Variants in SLC17A9 observed in about 807,000 individuals in gnomAD.
SLC17A9 encodes the protein voltage-gated purine nucleotide uniporter SLC17A9.
A neutral mutation model predicts 55.0 loss-of-function variants in SLC17A9; 49 were observed. That is an observed-to-expected ratio of 0.89 (90% confidence interval 0.71 to 1.13). SLC17A9 has a LOEUF of 1.13. SLC17A9 is among the 50% of genes most tolerant of loss of function. The probability of loss-of-function intolerance (pLI) is 0.00; values close to 1 mark genes in which losing one functional copy is unlikely to be tolerated. For missense variants in SLC17A9, 526 were observed against 569.3 expected, an observed-to-expected ratio of 0.92 and a Z score of 0.77; for synonymous variants, 256 against 247.4, an observed-to-expected ratio of 1.03 and a Z score of -0.32.
chr20:62,965,401 A>G (rs1568917708), intron 9 of SLC17A9, among the ~76,000 whole-genome samples: 1 of 152,230 alleles, frequency 6.6e-6, no homozygotes, highest in East Asian at 1.9e-4. Flanking sequence ...CCCACGTCGA[A>G]TAGGGCCTCT....
intron 10 of SLC17A9, 85 bp downstream of exon 10, chr20:62,965,810 CCTCT>C: frequency 1.6e-6 from 2 of 1,285,960 alleles, no homozygotes; most frequent in Non-Finnish European, 2.2e-6. Context: ...GCTCTGTCCG[CCTCT>C]CTCAGTCTCT....
In SLC17A9 at chr20:62,957,449, G is replaced by A. The variant is rs74709668; in HGVS notation, c.266G>A (p.Gly89Asp). 3.1e-6 allele frequency: 5 copies of A among 1,587,666 alleles called. No individual in the cohort carries two copies. Among genetic ancestry groups the A allele is most frequent in the South Asian group, 2.3e-5 (2 of 86,342 alleles). Residue 89 changes from glycine (G) to aspartate (D), a missense_variant, in exon 3 of 13, where the codon GGT becomes GAT. Physicochemically the swap from Gly to Asp is moderately conservative, Grantham distance 94 (BLOSUM62 -1). Coordinates refer to ENST00000370351, the MANE Select transcript of SLC17A9 (RefSeq NM_022082.4). The part of the protein sequence containing the change: ...VGGHLGDRIG[G>D]EKVILLSASA... ...CTCTGTCTTCCCTCCAGGATTGGGG[G>A]TGAGAAGGTCATCCTGCTGTCAGCC...
chr20:62,965,764 GC>G, intron 10 of SLC17A9, 39 bp downstream of exon 10: 1 of 1,593,670 alleles, frequency 6.3e-7, no homozygotes, highest in Admixed American at 1.7e-5. Context: ...GCGCCGTGCT[GC>G]CCGCACGGCC....
intron 8 of SLC17A9, among the ~76,000 whole-genome samples, chr20:62,964,679 C>T (rs1202810460): frequency 6.6e-6 from 1 of 152,254 alleles, no homozygotes; most frequent in Non-Finnish European, 1.5e-5. Context: ...CGTGTTTCTT[C>T]CCCTAGTGCA....
chr20:62,963,008 G>A (rs954903297), intron 5 of SLC17A9: 13 of 643,052 alleles, frequency 2.0e-5, no homozygotes, highest in African/African-American at 2.0e-4. Flanking sequence ...TCAAGGCAGG[G>A]TGCAGGAGCA....
In SLC17A9 at chr20:62,952,874, A is replaced by G; in HGVS notation, c.44A>G (p.Asp15Gly). ...GAGGCCCGCAGGGACATGGCCGGGG[A>G]CACCCAGTGGTCCAGGTGTGGCGGG... The part of the protein sequence containing the change: ...PDEARRDMAG[D>G]TQWSRPECQA... The change falls in exon 1 of 13, where the codon GAC (aspartate) becomes GGC (glycine). Residue 15 changes from aspartate (D) to glycine (G), a missense_variant. Transcript: ENST00000370351. 1.7e-6 allele frequency: 2 copies of G among 1,180,094 alleles called. No homozygotes were observed. The highest frequency in any genetic ancestry group is 1.3e-5 in the South Asian group (1 of 75,734). 73.1% of individuals were successfully genotyped at this position (1,180,094 alleles called of 1,614,324 possible). A position where few individuals can be genotyped will look rare whatever the true frequency, so the allele number is the denominator to read the frequency against.
intron 12 of SLC17A9, chr20:62,967,105 T>C: frequency 1.7e-6 from 1 of 595,008 alleles, no homozygotes; most frequent in Non-Finnish European, 2.9e-6. Flanking sequence ...CAAAGGGGAC[T>C]TGTTACCAGG....
rs753207073 is a variant in SLC17A9 at position 62,952,807 on chromosome 20, C to A, written c.-24C>A. On this transcript the variant is annotated 5_prime_UTR_variant, in exon 1 of 13. Coordinates refer to ENST00000370351, the MANE Select transcript of SLC17A9 (RefSeq NM_022082.4). ...CAGCCCCGGGACACAGCTGTGCCCA[C>A]GCCGTCTGAGCACCCCAAGCCCGAT... 3 of 1,533,936 alleles carry A rather than the reference C, an allele frequency of 2.0e-6. No homozygotes were observed. In the African/African-American group the frequency reaches 4.1e-5, roughly 21 times the overall value.
chr20:62,966,520 C>T lies in SLC17A9; in HGVS notation c.1062-5C>T, dbSNP rs2065640684. The T allele has an allele frequency of 6.2e-7, 1 of 1,613,846 alleles. No homozygotes were observed. Among genetic ancestry groups the T allele is most frequent in the African/African-American group, 1.3e-5 (1 of 74,928 alleles). On this transcript the variant is annotated splice_region_variant and splice_polypyrimidine_tract_variant and intron_variant, in intron 10 of 12. Transcript: ENST00000370351. ...GCCACTCACCACCCTCTTTCCTCCC[C>T]ACAGTGGCATTTCTGTTAACATCCA...
intron 9 of SLC17A9, 63 bp from the exon 10 acceptor site, chr20:62,965,547 C>G: frequency 6.7e-7 from 1 of 1,495,338 alleles, no homozygotes; most frequent in Non-Finnish European, 9.2e-7. Context: ...GCAGCTGAGT[C>G]AGGAGAGGGC....
At position 62,963,300 on chromosome 20, in the gene SLC17A9, C is replaced by T; in HGVS notation, c.656C>T (p.Ala219Val). 4 of 1,613,826 alleles carry T rather than the reference C, an allele frequency of 2.5e-6. No individual in the cohort carries two copies. The highest frequency in any genetic ancestry group is 1.6e-4 in the Middle Eastern group (1 of 6,062). ...KDLILALGVLAQSRPVSRHNR... is the reference protein window; with the variant it reads ...KDLILALGVLVQSRPVSRHNR... ...CTCATCCTGGCCTTGGGTGTCCTGGCCCAAAGCCGGCCGGTGTCCAGGCAC... is the reference window on the plus strand; with the variant it reads ...CTCATCCTGGCCTTGGGTGTCCTGGTCCAAAGCCGGCCGGTGTCCAGGCAC... The change falls in exon 6 of 13, where the codon GCC (alanine) becomes GTC (valine). Residue 219 changes from alanine to valine, a missense_variant. Coordinates refer to ENST00000370351, the MANE Select transcript of SLC17A9 (RefSeq NM_022082.4).
Position 62,962,937 on chromosome 20 carries a change from C to A in SLC17A9, c.628+183C>A. The A allele has an allele frequency of 1.2e-6, 1 of 854,110 alleles. No homozygotes were observed. Among genetic ancestry groups the A allele is most frequent in the Non-Finnish European group, 1.8e-6 (1 of 567,484 alleles). The allele number at this position is 854,110 out of a possible 1,614,324, so 52.9% of individuals were successfully genotyped here. A position where few individuals can be genotyped will look rare whatever the true frequency, so the allele number is the denominator to read the frequency against. ...CTGTCAGCGGCTCCGCCACCCAATT[C>A]GATCTGGAAGGTTCCATCTAGGGCT... On this transcript the variant is annotated intron_variant, in intron 5 of 12. Transcript: ENST00000370351. This position sits in a 1 kb window ranked among gnomAD's most constrained non-coding sequence, Gnocchi z 5.5.
intron 7 of SLC17A9, chr20:62,963,901 C>T: frequency 1.7e-6 from 1 of 598,564 alleles, no homozygotes; most frequent in South Asian, 2.0e-5. Context: ...GCGCTCGGTG[C>T]CTTCCTGCTG....
Position 62,966,542 on chromosome 20 carries a change from T to C in SLC17A9, c.1079T>C (p.Ile360Thr). The C allele has an allele frequency of 6.2e-7, 1 of 1,614,022 alleles. No individual in the cohort carries two copies. The highest frequency in any genetic ancestry group is 1.1e-5 in the South Asian group (1 of 91,072). Residue 360 changes from isoleucine (I) to threonine (T), a missense_variant, in exon 11 of 13, where the codon ATC becomes ACC. Physicochemically the swap from Ile to Thr is moderately conservative, Grantham distance 89. Transcript: ENST00000370351. ...CCCCACAGTGGCATTTCTGTTAACA[T>C]CCAGGACTTGGCCCCGTCCTGCGCC... The part of the protein sequence containing the change: ...TFNHSGISVN[I>T]QDLAPSCAGF...
chr20:62,956,157 C>T (rs998458683), intron 1 of SLC17A9, among the ~76,000 whole-genome samples: 26 of 152,112 alleles, frequency 1.7e-4, no homozygotes, highest in African/African-American at 5.1e-4. Context: ...GTGAGCTGGC[C>T]GGCCTGGCTC....
At position 62,958,657 on chromosome 20, in the gene SLC17A9, G is replaced by A. The variant is rs1298634297; in HGVS notation, c.397+1077G>A. ...GCATCAGGTTCAGAGCGCTGGCCAT[G>A]GCTCCCCTAGAACCTCTGCCCTCCC... On this transcript the variant is annotated intron_variant, in intron 3 of 12. Coordinates refer to ENST00000370351, the MANE Select transcript of SLC17A9 (RefSeq NM_022082.4). This position sits in a 1 kb window ranked among gnomAD's most constrained non-coding sequence, Gnocchi z 4.1. Among the ~76,000 whole-genome samples, 1 of 152,136 alleles carries A rather than the reference G, an allele frequency of 6.6e-6. No homozygotes were observed. Among genetic ancestry groups the A allele is most frequent in the Non-Finnish European group, 1.5e-5 (1 of 67,996 alleles).
intron 2 of SLC17A9, 185 bp downstream of exon 2, chr20:62,957,147 G>T: frequency 1.0e-6 from 1 of 981,626 alleles, no homozygotes; most frequent in South Asian, 4.7e-5. Flanking sequence ...CGACTCCTGG[G>T]GAAGGAGCTT....
At chr20:62,961,377 C>A (rs1202010610) in intron 4 of SLC17A9, among the ~76,000 whole-genome samples, 3 of 151,968 alleles carry the variant, frequency 2.0e-5, no homozygotes, top group Non-Finnish European at 4.4e-5. Context: ...GGCTGGAGGG[C>A]GGCTTGTCCT....
rs1568912702 is a variant in SLC17A9 at position 62,958,077 on chromosome 20, A to G, written c.397+497A>G. 1.3e-5 allele frequency among the ~76,000 whole-genome samples: 2 copies of G among 151,314 alleles called. No homozygotes were observed. The highest frequency in any genetic ancestry group is 2.9e-5 in the Non-Finnish European group (2 of 67,800). On this transcript the variant is annotated intron_variant, in intron 3 of 12. Transcript: ENST00000370351. The surrounding 1 kb of genome is among the most constrained non-coding windows in gnomAD (Gnocchi z 4.1). Reference sequence around the variant, plus strand: ...CGTGTGCATGCCTGTATGCATGTGTATGTGTGTGTGCGTTCCTGTATCCAT... The same window carrying G: ...CGTGTGCATGCCTGTATGCATGTGTGTGTGTGTGTGCGTTCCTGTATCCAT...
Sources: gnomAD v4.1 joint callset for allele counts (sites outside exome capture counted in the v4.1 genomes callset) on GRCh38, gnomAD v4.1.1 for gene constraint, Gnocchi (gnomAD v3.1) non-coding constraint, MANE v1.5 for transcripts, NCBI Gene and HGNC (gene_info 2026-07-23, HGNC 2026-07-21) for gene names.